Variants in PTPRN2 observed in about 807,000 individuals in gnomAD.
PTPRN2 encodes receptor-type tyrosine-protein phosphatase N2.
A neutral mutation model predicts 118.8 loss-of-function variants in PTPRN2; 74 were observed. That is an observed-to-expected ratio of 0.62 (90% CI 0.52 to 0.76). The LOEUF (loss-of-function observed/expected upper bound fraction) is 0.76. Ranked by LOEUF, PTPRN2 falls within the 30% of genes least tolerant of loss-of-function variation. PTPRN2 has a pLI of 0.00. For synonymous variants in PTPRN2, 641 were observed against 608.0 expected (o/e 1.05, Z -0.80); for missense variants, 1,481 against 1,394.4 (o/e 1.06, Z -0.99).
chr7:158,387,576 C>CTCTGGGTCCTGGGGGG (rs1811566840), intron 2 of PTPRN2, among the ~76,000 whole-genome samples: 2 of 6,102 alleles, frequency 3.3e-4, no homozygotes, highest in Non-Finnish European at 7.3e-4. Context: ...CCTGTCAGCT[C>CTCTGGGTCCTGGGGGG]AGCTTGGCCC....
At chr7:157,683,498 G>A (rs1362348247) in intron 12 of PTPRN2, among the ~76,000 whole-genome samples, 1 of 152,218 alleles carries the variant, frequency 6.6e-6, no homozygotes, top group Non-Finnish European at 1.5e-5. Flanking sequence ...TGTCTTGAAA[G>A]GCGAGCGCTG....
intron 2 of PTPRN2, among the ~76,000 whole-genome samples, chr7:158,395,862 C>A (rs1812443335): frequency 6.6e-6 from 1 of 151,900 alleles, no homozygotes; most frequent in Non-Finnish European, 1.5e-5. Context: ...GCCCCGAATT[C>A]GGGCAGAGCG....
At chr7:158,260,241 G>T (rs1797309104) in intron 3 of PTPRN2, among the ~76,000 whole-genome samples, 1 of 152,196 alleles carries the variant, frequency 6.6e-6, no homozygotes, top group Non-Finnish European at 1.5e-5. Flanking sequence ...CAATGCTGAG[G>T]ACTCTCAGGC....
rs551466286 is a variant in PTPRN2, at chr7:157,629,576, C to T, written c.2197-8067G>A. Among the ~76,000 whole-genome samples, 123 of 151,866 alleles carry T rather than the reference C, an allele frequency of 8.1e-4. 4 individuals are homozygous for T. In the South Asian group the frequency reaches 0.024, roughly 30 times the overall value. On this transcript the variant is annotated intron_variant, in intron 14 of 22. Coordinates refer to ENST00000389418, the MANE Select transcript of PTPRN2 (RefSeq NM_002847.5). This position sits in a 1 kb window ranked among gnomAD's most constrained non-coding sequence, Gnocchi z 4.4. ...TCGTGCAGTGGAAAGTGAGTCCCCA[C>T]GGATGACTGGAGGCGCCCATCATCA...
At chr7:158,295,854 A>T (rs990744273) in intron 3 of PTPRN2, among the ~76,000 whole-genome samples, 3 of 152,252 alleles carry the variant, frequency 2.0e-5, no homozygotes, top group Non-Finnish European at 2.9e-5. Context: ...ATGCTGCCCC[A>T]CATCTCCATA....
intron 3 of PTPRN2, among the ~76,000 whole-genome samples, chr7:158,290,633 T>C (rs958814991): frequency 1.3e-5 from 2 of 152,038 alleles, no homozygotes; most frequent in South Asian, 4.2e-4. Flanking sequence ...AGAAGCAAAG[T>C]CTGGTACTCA....
intron 2 of PTPRN2, 107 bp downstream of exon 2, chr7:158,489,628 G>A (rs1765757636): frequency 2.5e-6 from 3 of 1,202,756 alleles, no homozygotes; most frequent in African/African-American, 1.6e-5. Flanking sequence ...GCGCGCCCCG[G>A]GCGGCCCCAG....
chr7:158,151,365 C>T (rs1585648393), intron 6 of PTPRN2, among the ~76,000 whole-genome samples: 1 of 116,574 alleles, frequency 8.6e-6, no homozygotes, highest in African/African-American at 3.2e-5. Flanking sequence ...CTTTCTGCTC[C>T]TGCCTCTCCC....
intron 1 of PTPRN2, among the ~76,000 whole-genome samples, chr7:158,501,801 C>T (rs1420772161): frequency 5.3e-5 from 8 of 152,162 alleles, no homozygotes; most frequent in African/African-American, 1.9e-4. Context: ...TGTTGACCCG[C>T]CTGGAGCTTT....
intron 5 of PTPRN2, among the ~76,000 whole-genome samples, chr7:158,174,778 A>T (rs775043363): frequency 3.9e-5 from 6 of 152,206 alleles, no homozygotes; most frequent in Non-Finnish European, 8.8e-5. Context: ...GCTGGAGGAA[A>T]TCAGAGCTGC....
chr7:157,546,982 A>T (rs1396303123), intron 22 of PTPRN2, among the ~76,000 whole-genome samples: 1 of 152,134 alleles, frequency 6.6e-6, no homozygotes, highest in Non-Finnish European at 1.5e-5. Context: ...GCCCAGACCC[A>T]TCCTAAAGCC....
chr7:158,074,989 G>A (rs553649504), intron 11 of PTPRN2, among the ~76,000 whole-genome samples: 12 of 152,270 alleles, frequency 7.9e-5, no homozygotes, highest in East Asian at 1.9e-4. Flanking sequence ...GGCGTTCCAC[G>A]CTGGTAGCCC....
In PTPRN2 at chr7:158,093,699, C is replaced by T. The variant is rs1814398491; in HGVS notation, c.1644-12322G>A. ...TCCACGTGGATAGCATAATGCATACCTACTTTCCTTACACACACTTTTAAT... is the reference window on the plus strand; with the variant it reads ...TCCACGTGGATAGCATAATGCATACTTACTTTCCTTACACACACTTTTAAT... On this transcript the variant is annotated intron_variant, in intron 10 of 22. Transcript: ENST00000389418. The surrounding 1 kb of genome is among the most constrained non-coding windows in gnomAD (Gnocchi z 4.4). Among the ~76,000 whole-genome samples the T allele has an allele frequency of 6.6e-6, 1 of 152,178 alleles. No homozygotes were observed. Among genetic ancestry groups the T allele is most frequent in the Non-Finnish European group, 1.5e-5 (1 of 68,034 alleles).
chr7:157,758,282 A>C (rs908499759), intron 12 of PTPRN2, among the ~76,000 whole-genome samples: 2 of 152,210 alleles, frequency 1.3e-5, no homozygotes, highest in Non-Finnish European at 2.9e-5. Flanking sequence ...AGGCCTGTCC[A>C]GGCGCCATTC....
intron 14 of PTPRN2, among the ~76,000 whole-genome samples, chr7:157,634,195 A>G (rs886460082): frequency 2.0e-4 from 31 of 151,870 alleles, no homozygotes; most frequent in African/African-American, 7.0e-4. Flanking sequence ...TAAACTCTTC[A>G]CCCCTCACAG....
At position 158,146,353 on chromosome 7, in the gene PTPRN2, A is replaced by G. The variant is rs371974612; in HGVS notation, c.911-7838T>C. Among the ~76,000 whole-genome samples, 23 of 152,252 alleles carry G rather than the reference A, an allele frequency of 1.5e-4. No homozygotes were observed. The East Asian group carries it at 2.9e-3, about 19-fold the overall frequency. Reference sequence around the variant, plus strand: ...CCAGTCTCCGTCCATCCCTCCACCCACTAACCTACCCATTGATTGCACCAA... The same window carrying G: ...CCAGTCTCCGTCCATCCCTCCACCCGCTAACCTACCCATTGATTGCACCAA... On this transcript the variant is annotated intron_variant, in intron 6 of 22. Coordinates refer to ENST00000389418, the MANE Select transcript of PTPRN2 (RefSeq NM_002847.5).
intron 11 of PTPRN2, among the ~76,000 whole-genome samples, chr7:158,040,300 C>A (rs1015212737): frequency 6.6e-6 from 1 of 152,094 alleles, no homozygotes. Flanking sequence ...ACAACACACA[C>A]AAATTCACAC....
chr7:157,655,466 T>A (rs758422659), intron 14 of PTPRN2, among the ~76,000 whole-genome samples: 9 of 152,208 alleles, frequency 5.9e-5, no homozygotes, highest in African/African-American at 2.2e-4. Flanking sequence ...TATTAACTCA[T>A]TAGGCAAAAA....
intron 12 of PTPRN2, among the ~76,000 whole-genome samples, chr7:157,840,935 C>T (rs566028723): frequency 3.3e-5 from 5 of 152,348 alleles, no homozygotes; most frequent in African/African-American, 9.6e-5. Flanking sequence ...GGGGCTGGAG[C>T]CACCACCTCA....
Sources: gnomAD v4.1 joint callset for allele counts (sites outside exome capture counted in the v4.1 genomes callset) on GRCh38, gnomAD v4.1.1 for gene constraint, Gnocchi (gnomAD v3.1) non-coding constraint, MANE v1.5 for transcripts, NCBI Gene and HGNC (gene_info 2026-07-23, HGNC 2026-07-21) for gene names.